PIWIL4: variants seen among roughly 807,000 people sequenced by gnomAD.
The protein encoded by PIWIL4 is piwi like RNA-mediated gene silencing 4.
Under a neutral mutation model 100.9 loss-of-function variants are expected in PIWIL4, and 50 were observed. That is an observed-to-expected ratio of 0.50 (90% confidence interval 0.39 to 0.63). The LOEUF is 0.63. PIWIL4 is among the 20% of genes least tolerant of loss of function. The pLI is 0.00. For synonymous variants in PIWIL4, 342 were observed against 367.5 expected (o/e 0.93, Z 0.79); for missense variants, 887 against 1,043.3 (o/e 0.85, Z 2.06).
At chr11:94,606,286 A>C (rs927172122) in intron 13 of PIWIL4, among the ~76,000 whole-genome samples, 11 of 152,326 alleles carry the variant, frequency 7.2e-5, no homozygotes, top group African/African-American at 2.4e-4. Flanking sequence ...GGAAGGAAGG[A>C]AGGCCTCTAA....
intron 8 of PIWIL4, 114 bp from the exon 9 acceptor site, chr11:94,593,404 G>A: frequency 9.6e-7 from 1 of 1,044,844 alleles, no homozygotes; most frequent in East Asian, 2.7e-5. Flanking sequence ...GTAACTATGG[G>A]ATTGGTTAGA....
chr11:94,569,375 T>G (rs1948117016), intron 2 of PIWIL4, among the ~76,000 whole-genome samples: 1 of 151,822 alleles, frequency 6.6e-6, no homozygotes, highest in Admixed American at 6.6e-5. Context: ...GTTTTTTTTT[T>G]TTGTTTGTTT....
At chr11:94,583,635 T>G in intron 5 of PIWIL4, 66 bp downstream of exon 5, 6 of 1,589,818 alleles carry the variant, frequency 3.8e-6, no homozygotes, top group Non-Finnish European at 5.2e-6. Context: ...GCCTGGGTAT[T>G]AAAATAATCG....
intron 4 of PIWIL4, 56 bp downstream of exon 4, chr11:94,577,548 T>A: frequency 1.5e-6 from 2 of 1,344,746 alleles, no homozygotes; most frequent in Non-Finnish European, 2.1e-6. Context: ...ATTATATGTG[T>A]ATACACACAC....
chr11:94,604,719 C>T (rs1168240503), intron 13 of PIWIL4, among the ~76,000 whole-genome samples: 1 of 152,226 alleles, frequency 6.6e-6, no homozygotes, highest in Non-Finnish European at 1.5e-5. Flanking sequence ...TCAGCACCCC[C>T]AGGCTATTGT....
rs1451431785 is a variant in PIWIL4 at position 94,570,489 on chromosome 11, A to AT, written c.166+1684dup. 4.6e-5 allele frequency among the ~76,000 whole-genome samples: 7 copies of AT among 152,190 alleles called. No homozygotes were observed. In the East Asian group the frequency reaches 7.7e-4, roughly 17 times the overall value. On this transcript the variant is annotated intron_variant, in intron 2 of 19. Transcript: ENST00000299001. ...TGACCTCACTTTAACTTAATCACCTATTTAAAGACCCTGTCACCAAATATG... is the reference window on the plus strand; with the variant it reads ...TGACCTCACTTTAACTTAATCACCTATTTTAAAGACCCTGTCACCAAATATG...
At chr11:94,573,166 T>C (rs1291975041) in intron 2 of PIWIL4, among the ~76,000 whole-genome samples, 1 of 152,250 alleles carries the variant, frequency 6.6e-6, no homozygotes, top group Non-Finnish European at 1.5e-5. Flanking sequence ...TGAAGTTGCT[T>C]ATCAGCTTAA....
intron 2 of PIWIL4, 85 bp downstream of exon 2, chr11:94,568,893 C>T: frequency 8.6e-7 from 1 of 1,163,902 alleles, no homozygotes; most frequent in Non-Finnish European, 1.3e-6. Context: ...AGCAGTAGGC[C>T]CACCTCTTGC....
At chr11:94,608,828 C>T (rs964783167) in intron 15 of PIWIL4, 142 bp downstream of exon 15, 2 of 719,282 alleles carry the variant, frequency 2.8e-6, no homozygotes, top group East Asian at 5.3e-5. Flanking sequence ...ATTACACTTA[C>T]ATATAAAAAT....
At chr11:94,613,172 T>C (rs2135301215) in intron 15 of PIWIL4, among the ~76,000 whole-genome samples, 1 of 152,358 alleles carries the variant, frequency 6.6e-6, no homozygotes, top group Middle Eastern at 3.4e-3. Context: ...CTTCCTCAGT[T>C]TGTTGTTTGA....
At chr11:94,581,445 T>C (rs1388805951) in intron 4 of PIWIL4, among the ~76,000 whole-genome samples, 6 of 152,118 alleles carry the variant, frequency 3.9e-5, no homozygotes, top group Admixed American at 3.9e-4. Flanking sequence ...GAGGGCCATA[T>C]TTTAGAAACT....
intron 16 of PIWIL4, among the ~76,000 whole-genome samples, chr11:94,617,508 A>G (rs1452102310): frequency 3.9e-5 from 6 of 152,148 alleles, no homozygotes. Context: ...CAGTGTGAAG[A>G]TATGTTTTCA....
At chr11:94,614,300 CTTTT>C (rs57731239) in intron 15 of PIWIL4, among the ~76,000 whole-genome samples, 87 of 120,130 alleles carry the variant, frequency 7.2e-4, no homozygotes, top group African/African-American at 5.8e-4. Context: ...TTTTTCTTTT[CTTTT>C]TTTTTTTTTT....
chr11:94,575,084 T>C lies in PIWIL4; in HGVS notation c.252T>C (p.Ser84=). 1 of 1,613,930 alleles carries C rather than the reference T, an allele frequency of 6.2e-7. No homozygotes were observed. The highest frequency in any genetic ancestry group is 8.5e-7 in the Non-Finnish European group (1 of 1,179,914). Residue 84 remains serine (S), a synonymous_variant, in exon 3 of 20, where the codon AGT becomes AGC. Transcript: ENST00000299001. ...VKNKQDFMDL[S]ICTREKLAHV... ...ACAAACAGGACTTTATGGATTTGAG[T>C]ATCTGTACCAGAGAAAAATTGGCAC... is the stretch of plus-strand genomic sequence containing the variant.
chr11:94,597,752 GTAAGTTA>G, intron 10 of PIWIL4, 45 bp from the exon 11 acceptor site: 2 of 1,315,846 alleles, frequency 1.5e-6, no homozygotes, highest in Non-Finnish European at 1.1e-6. Context: ...GACGAATTCA[GTAAGTTA>G]TAATTATATC....
rs562843299 is a variant in PIWIL4 at position 94,606,691 on chromosome 11, G to A, written c.1639-748G>A. Among the ~76,000 whole-genome samples, 16 of 152,104 alleles carry A rather than the reference G, an allele frequency of 1.1e-4. No individual in the cohort carries two copies. In the East Asian group the frequency reaches 1.2e-3, roughly 11 times the overall value. On this transcript the variant is annotated intron_variant, in intron 13 of 19. Transcript: ENST00000299001. ...CTACTAAAATTAGAAAAAATTAGCC[G>A]GGCGTGGTGGCAGGCGCCTGTAATC...
chr11:94,568,362 ACCCGGGG>A (rs1238758476), intron 1 of PIWIL4, among the ~76,000 whole-genome samples: 1 of 151,966 alleles, frequency 6.6e-6, no homozygotes, highest in Non-Finnish European at 1.5e-5. Context: ...TGAGCTGCTG[ACCCGGGG>A]CCTCTGTTCA....
intron 15 of PIWIL4, among the ~76,000 whole-genome samples, chr11:94,608,905 G>GC (rs1485496992): frequency 1.3e-5 from 2 of 152,166 alleles, no homozygotes; most frequent in African/African-American, 4.8e-5. Context: ...ATTAGGGTGA[G>GC]CTATTGCTCA....
rs1446471802 is a variant in PIWIL4, at chr11:94,601,991, T to G, written c.1565+12T>G. 6.3e-7 allele frequency: 1 copy of G among 1,592,810 alleles called. No homozygotes were observed. The highest frequency in any genetic ancestry group is 1.9e-5 in the Admixed American group (1 of 53,544). On this transcript the variant is annotated intron_variant, in intron 12 of 19. Transcript: ENST00000299001. ...GACTACCCCAAAATGTGAGAATACA[T>G]TGAATTTTGTTCATATATTAATTTG...
Sources: gnomAD v4.1 joint callset for allele counts (sites outside exome capture counted in the v4.1 genomes callset) on GRCh38, gnomAD v4.1.1 for gene constraint, MANE v1.5 for transcripts, NCBI Gene and HGNC (gene_info 2026-07-23, HGNC 2026-07-21) for gene names.